The following EIF2B3 variants were observed in gnomAD, a reference collection of about 807,000 sequenced individuals.
EIF2B3 encodes the protein translation initiation factor eIF2B subunit gamma.
In EIF2B3, 20 loss-of-function variants were observed where a neutral mutation model predicts 54.1. The ratio of observed to expected loss-of-function variants is 0.37; its 90% CI spans 0.26 to 0.54. EIF2B3 has a LOEUF of 0.54. Ranked by LOEUF, EIF2B3 falls within the 20% of genes least tolerant of loss-of-function variation. EIF2B3 has a pLI of 0.86. For missense variants in EIF2B3, 448 were observed against 547.8 expected (o/e 0.82, Z 1.82); for synonymous variants, 153 against 188.1 (o/e 0.81, Z 1.52).
chr1:44,983,809 C>T (rs539764867), intron 1 of EIF2B3, among the ~76,000 whole-genome samples: 12 of 152,098 alleles, frequency 7.9e-5, no homozygotes, highest in South Asian at 2.1e-4. Context: ...CAGGTTCAAG[C>T]GATTCTCCTG....
chr1:44,953,012 A>G (rs1298375609), intron 3 of EIF2B3, among the ~76,000 whole-genome samples: 1 of 152,208 alleles, frequency 6.6e-6, no homozygotes, highest in Admixed American at 6.5e-5. Flanking sequence ...TAGCAAAAAT[A>G]TAGTTGTTGA....
At position 44,941,584 on chromosome 1, in the gene EIF2B3, C is replaced by G; in HGVS notation, c.376G>C (p.Ala126Pro). The G allele has an allele frequency of 6.2e-7, 1 of 1,614,048 alleles. No homozygotes were observed. The highest frequency in any genetic ancestry group is 8.5e-7 in the Non-Finnish European group (1 of 1,180,006). Residue 126 changes from alanine to proline, a missense_variant, in exon 4 of 12, where the codon GCA becomes CCA. Ala to Pro is a conservative substitution (Grantham distance 27). Around this residue, in one of 3 missense-constraint regions of EIF2B3, gnomAD observed 350 missense variants for 414.2 expected, o/e 0.85. Transcript: ENST00000360403. ...EVVDLFRAYD[A>P]SLAMLMRKGQ... is the part of the protein sequence containing the mutation. ...TTTCTCATCAACATAGCAAGTGATG[C>G]ATCATAAGCTCTAAACAGGTCCACA... is the stretch of plus-strand genomic sequence containing the variant.
chr1:44,941,714 A>G, intron 3 of EIF2B3, 49 bp from the exon 4 acceptor site: 3 of 1,608,304 alleles, frequency 1.9e-6, no homozygotes, highest in Non-Finnish European at 2.6e-6. Flanking sequence ...ACAATGGATT[A>G]CACAAATCAT....
At chr1:44,962,062 T>G (rs1644290192) in intron 3 of EIF2B3, among the ~76,000 whole-genome samples, 2 of 152,104 alleles carry the variant, frequency 1.3e-5, no homozygotes, top group African/African-American at 4.8e-5. Flanking sequence ...TGTAGTGGCA[T>G]GCACCCATAA....
rs1644405573 is a variant in EIF2B3 at position 44,972,202 on chromosome 1, AC to A, written c.294+6112del. Among the ~76,000 whole-genome samples the A allele has an allele frequency of 2.0e-5, 3 of 151,726 alleles. No homozygotes were observed. In the South Asian group the frequency reaches 6.3e-4, roughly 32 times the overall value. ...CAGGAGTTCGAGACCAGCCTGGGCA[AC>A]ATAGTGAGACTCTGTCTCTAAAAAA... On this transcript the variant is annotated intron_variant, in intron 3 of 11. Coordinates refer to ENST00000360403, the MANE Select transcript of EIF2B3 (RefSeq NM_020365.5).
chr1:44,922,760 GGTTAA>G (rs1317082461), intron 5 of EIF2B3, among the ~76,000 whole-genome samples: 1 of 147,412 alleles, frequency 6.8e-6, no homozygotes, highest in Non-Finnish European at 1.5e-5. Context: ...TTGCTTCTTT[GGTTAA>G]GTTAATCCCC....
chr1:44,851,200 G>A (rs567705073), intron 11 of EIF2B3, among the ~76,000 whole-genome samples, 197 bp from the exon 12 acceptor site: 43 of 152,132 alleles, frequency 2.8e-4, no homozygotes, highest in African/African-American at 1.0e-3. Context: ...GAGTAGCTGG[G>A]ATTACAGGCG....
At chr1:44,875,781 C>G (rs1321379570) in intron 8 of EIF2B3, 86 bp from the exon 9 acceptor site, 12 of 1,057,766 alleles carry the variant, frequency 1.1e-5, no homozygotes, top group Non-Finnish European at 1.8e-5. Context: ...CTCCCACTCC[C>G]CCTCCCCACG....
intron 3 of EIF2B3, among the ~76,000 whole-genome samples, chr1:44,950,949 GA>G (rs1557701001): frequency 6.6e-6 from 1 of 151,978 alleles, no homozygotes; most frequent in African/African-American, 2.4e-5. Context: ...TTGGCCTCCC[GA>G]AGTGTTGGGA....
chr1:44,980,928 T>G (rs1644505079), intron 2 of EIF2B3, 93 bp downstream of exon 2: 1 of 1,501,548 alleles, frequency 6.7e-7, no homozygotes, highest in East Asian at 2.3e-5. Flanking sequence ...CGAGTTCTAG[T>G]CACCCTCTCT....
At chr1:44,953,151 T>TA (rs551625310) in intron 3 of EIF2B3, among the ~76,000 whole-genome samples, 52,078 of 131,570 alleles carry the variant, frequency 0.4, 10,078 homozygotes, top group Admixed American at 0.5. Context: ...TCCATAAGTG[T>TA]AAAAAAAAAA....
intron 1 of EIF2B3, among the ~76,000 whole-genome samples, chr1:44,986,139 T>TTTC (rs1491213649): frequency 6.2e-4 from 59 of 94,844 alleles, no homozygotes; most frequent in African/African-American, 2.2e-3. Context: ...TTTTCTTTTC[T>TTTC]TTTTTTTTTT....
chr1:44,928,655 T>A (rs1557689998), intron 4 of EIF2B3, among the ~76,000 whole-genome samples: 1 of 152,172 alleles, frequency 6.6e-6, no homozygotes, highest in Non-Finnish European at 1.5e-5. Flanking sequence ...TATTTTATTA[T>A]GTGTGAAGAG....
At chr1:44,875,724 A>T in intron 8 of EIF2B3, 29 bp from the exon 9 acceptor site, 1 of 1,582,650 alleles carries the variant, frequency 6.3e-7, no homozygotes, top group East Asian at 2.2e-5. Context: ...GTCACTAAAG[A>T]TCAGAAAACA....
intron 10 of EIF2B3, among the ~76,000 whole-genome samples, chr1:44,861,045 A>C (rs1162802462): frequency 1.3e-5 from 2 of 152,252 alleles, no homozygotes; most frequent in Non-Finnish European, 2.9e-5. Flanking sequence ...CCTTTTGGAA[A>C]GTAGCAAAAG....
At chr1:44,885,571 A>G (rs955182860) in intron 6 of EIF2B3, among the ~76,000 whole-genome samples, 1 of 152,230 alleles carries the variant, frequency 6.6e-6, no homozygotes, top group Admixed American at 6.5e-5. Flanking sequence ...ATCCTAAGGA[A>G]AATATATTAC....
In EIF2B3 at chr1:44,935,326, A is replaced by G. The variant is rs116449754; in HGVS notation, c.454+6180T>C. Among the ~76,000 whole-genome samples the G allele has an allele frequency of 8.6e-3, 1,310 of 152,320 alleles. 11 individuals are homozygous for G. Among genetic ancestry groups the G allele is most frequent in the Non-Finnish European group, 0.013 (859 of 68,028 alleles). Reference sequence around the variant, plus strand: ...AGCAATATAAATATATTATCTTCTCACTGAAATTGAGAAAAGGAAAGTTTC... The same window carrying G: ...AGCAATATAAATATATTATCTTCTCGCTGAAATTGAGAAAAGGAAAGTTTC... On this transcript the variant is annotated intron_variant, in intron 4 of 11. Transcript: ENST00000360403.
intron 11 of EIF2B3, among the ~76,000 whole-genome samples, 176 bp downstream of exon 11, chr1:44,857,527 GA>G (rs200709551): frequency 1.3e-3 from 179 of 134,900 alleles, no homozygotes; most frequent in East Asian, 2.5e-3. Flanking sequence ...GTGAAACTCC[GA>G]AAAAAAAAAA....
intron 1 of EIF2B3, among the ~76,000 whole-genome samples, chr1:44,982,413 C>T (rs926832007): frequency 2.0e-5 from 3 of 152,164 alleles, no homozygotes; most frequent in Non-Finnish European, 4.4e-5. Context: ...ATTCTCCTGC[C>T]TCAGCCTCCC....
Sources: allele counts gnomAD v4.1 joint callset (sites outside exome capture counted in the v4.1 genomes callset), GRCh38; gene constraint gnomAD v4.1.1; regional missense constraint gnomAD v4.1.1; transcripts MANE v1.5; gene names NCBI Gene and HGNC (gene_info 2026-07-23, HGNC 2026-07-21).